The following SCOC variants were observed in gnomAD, a reference collection of about 807,000 sequenced individuals.
The protein encoded by SCOC is short coiled-coil protein, also known as short coiled coil protein.
A neutral mutation model predicts 9.9 loss-of-function variants in SCOC; 7 were observed. That is an observed-to-expected ratio of 0.71 (90% CI 0.40 to 1.33). The LOEUF (loss-of-function observed/expected upper bound fraction) is 1.33, where lower values mean the gene tolerates loss of function less well. Ranked by LOEUF, SCOC falls within the 40% of genes most tolerant of loss-of-function variation. SCOC has a pLI of 0.01. For missense variants in SCOC, 66 were observed against 89.7 expected (o/e 0.74, Z 1.07); for synonymous variants, 19 against 28.2 (o/e 0.67, Z 1.03).
chr4:140,344,538 T>C (rs1231421749), intron 2 of SCOC, among the ~76,000 whole-genome samples: 1 of 152,232 alleles, frequency 6.6e-6, no homozygotes, highest in African/African-American at 2.4e-5. Flanking sequence ...AGCGTCTTTC[T>C]AAAGTGCAGC....
chr4:140,363,490 T>C (rs1375563696), intron 2 of SCOC, among the ~76,000 whole-genome samples: 1 of 152,232 alleles, frequency 6.6e-6, no homozygotes, highest in Admixed American at 6.5e-5. Flanking sequence ...TGTGTTACTA[T>C]TACCATAAAA....
chr4:140,290,901 A>C (rs533169577), intron 1 of SCOC, among the ~76,000 whole-genome samples: 1 of 152,336 alleles, frequency 6.6e-6, no homozygotes, highest in Non-Finnish European at 1.5e-5. Context: ...ATGGTCCAGC[A>C]TTCCATTCTA....
At chr4:140,347,795 T>G (rs941634140) in intron 2 of SCOC, among the ~76,000 whole-genome samples, 1 of 152,202 alleles carries the variant, frequency 6.6e-6, no homozygotes, top group Non-Finnish European at 1.5e-5. Flanking sequence ...TGTTTTTAGT[T>G]TATCAAGTTT....
At chr4:140,297,603 A>C (rs7675351) in intron 1 of SCOC, among the ~76,000 whole-genome samples, 44,163 of 151,980 alleles carry the variant, frequency 0.29, 9,565 homozygotes, top group African/African-American at 0.59. Context: ...ACATTTCTTG[A>C]TTGCACCCTG....
At chr4:140,349,381 C>A (rs1164975048) in intron 2 of SCOC, among the ~76,000 whole-genome samples, 1 of 152,186 alleles carries the variant, frequency 6.6e-6, no homozygotes, top group Non-Finnish European at 1.5e-5. Context: ...TTCACCTAAT[C>A]CTAGTTTTAA....
rs557831481 is a variant in SCOC at position 140,381,840 on chromosome 4, A to G, written c.*736A>G. ...CTCATTTTGTATTATCTGAAAATATATAATTTCTGGTCATGTGTATGTTAA... is the reference window on the plus strand; with the variant it reads ...CTCATTTTGTATTATCTGAAAATATGTAATTTCTGGTCATGTGTATGTTAA... On this transcript the variant is annotated 3_prime_UTR_variant, in exon 4 of 4. Transcript: ENST00000608372. 2.0e-5 allele frequency: 3 copies of G among 152,352 alleles called. No homozygotes were observed. In the East Asian group the frequency reaches 5.8e-4, roughly 29 times the overall value. The allele number at this position is 152,352 out of a possible 1,614,324, so 9.4% of individuals were successfully genotyped here.
intron 2 of SCOC, among the ~76,000 whole-genome samples, chr4:140,363,197 T>G (rs1214389754): frequency 6.6e-6 from 1 of 152,200 alleles, no homozygotes; most frequent in African/African-American, 2.4e-5. Flanking sequence ...ATGAAGCTCA[T>G]GATGAGCTGG....
chr4:140,318,366 C>T (rs1732393526), intron 1 of SCOC, among the ~76,000 whole-genome samples: 1 of 118,240 alleles, frequency 8.5e-6, no homozygotes, highest in South Asian at 3.2e-4. Context: ...CTACAATGAA[C>T]TCAAACAAAT....
intron 1 of SCOC, among the ~76,000 whole-genome samples, chr4:140,321,229 T>C (rs1023514115): frequency 6.6e-6 from 1 of 152,140 alleles, no homozygotes; most frequent in African/African-American, 2.4e-5. Context: ...GTTCCAAGCA[T>C]AAAAATATTT....
chr4:140,326,391 GAA>G (rs1194848112), intron 1 of SCOC, among the ~76,000 whole-genome samples: 2 of 151,932 alleles, frequency 1.3e-5, no homozygotes, highest in South Asian at 2.1e-4. Flanking sequence ...AGGCAACACA[GAA>G]AAAAGTTATT....
intron 1 of SCOC, chr4:140,374,050 T>G (rs896041034): frequency 1.9e-6 from 1 of 520,358 alleles, no homozygotes; most frequent in Middle Eastern, 2.9e-4. Context: ...GGCTCTGGAA[T>G]TGGACTGCGG....
At chr4:140,273,028 A>G (rs982979698) in intron 1 of SCOC, among the ~76,000 whole-genome samples, 39 of 152,316 alleles carry the variant, frequency 2.6e-4, no homozygotes, top group African/African-American at 8.9e-4. Context: ...CTTCTGAGCT[A>G]CAGAAATTCT....
intron 1 of SCOC, among the ~76,000 whole-genome samples, chr4:140,311,603 T>G (rs574720529): frequency 6.6e-6 from 1 of 152,218 alleles, no homozygotes; most frequent in South Asian, 2.1e-4. Flanking sequence ...CATGCCCTCT[T>G]CCTCCTGGTA....
At chr4:140,278,105 C>T (rs1731023899) in intron 1 of SCOC, among the ~76,000 whole-genome samples, 1 of 152,148 alleles carries the variant, frequency 6.6e-6, no homozygotes, top group Admixed American at 6.5e-5. Flanking sequence ...GTTGCTATAA[C>T]AAAATACTAT....
chr4:140,366,770 T>C, intron 2 of SCOC: 11 of 1,432,062 alleles, frequency 7.7e-6, no homozygotes, highest in South Asian at 2.3e-5. Flanking sequence ...TTTTGATCAA[T>C]AACATCTACA....
intron 1 of SCOC, chr4:140,291,406 G>C (rs748003001): frequency 1.3e-4 from 60 of 456,940 alleles, no homozygotes; most frequent in African/African-American, 1.2e-3. Context: ...CAGGGCATGT[G>C]TCTTCCCAAG....
chr4:140,312,608 T>C (rs1198039260), intron 1 of SCOC, among the ~76,000 whole-genome samples: 1 of 152,064 alleles, frequency 6.6e-6, no homozygotes, highest in East Asian at 1.9e-4. Flanking sequence ...AAAAATATAT[T>C]TTTGTAGAGC....
chr4:140,383,893 G>A lies in SCOC; in HGVS notation c.*2789G>A, dbSNP rs1728635732. 6.6e-6 allele frequency: 1 copy of A among 152,148 alleles called. No individual in the cohort carries two copies. Among genetic ancestry groups the A allele is most frequent in the African/African-American group, 2.4e-5 (1 of 41,418 alleles). The allele number at this position is 152,148 out of a possible 1,614,324, so 9.4% of individuals were successfully genotyped here. A position where few individuals can be genotyped will look rare whatever the true frequency, so the allele number is the denominator to read the frequency against. ...GCCTTTCTTTAATGGAGGCTATCTT[G>A]AGATCAACTAAAAATAAGATTACAC... On this transcript the variant is annotated 3_prime_UTR_variant, in exon 4 of 4. Coordinates refer to ENST00000608372, the MANE Select transcript of SCOC (RefSeq NM_001153484.2).
chr4:140,279,124 CTT>C (rs1578764185), intron 1 of SCOC, among the ~76,000 whole-genome samples: 1 of 152,154 alleles, frequency 6.6e-6, no homozygotes, highest in East Asian at 1.9e-4. Flanking sequence ...ACCACAGGGC[CTT>C]TGCACAAGCT....
Sources: allele counts gnomAD v4.1 joint callset (sites outside exome capture counted in the v4.1 genomes callset), GRCh38; gene constraint gnomAD v4.1.1; transcripts MANE v1.5; gene names NCBI Gene and HGNC (gene_info 2026-07-23, HGNC 2026-07-21).